Variants in ART3 observed in about 807,000 individuals in gnomAD.
ART3 encodes the protein ecto-ADP-ribosyltransferase 3.
ART3 carries 49 observed loss-of-function variants against 48.5 expected under a neutral mutation model. The observed-to-expected ratio is 1.01, with a 90% CI of 0.80 to 1.28. The LOEUF is 1.28. Ranked by LOEUF, ART3 falls within the 50% of genes most tolerant of loss-of-function variation. The pLI, the probability that ART3 is intolerant of heterozygous loss-of-function variation, is 0.00. For missense variants in ART3, 438 were observed against 454.3 expected (o/e 0.96, Z 0.33); for synonymous variants, 145 against 157.2 (o/e 0.92, Z 0.58).
chr4:76,089,518 A>AC (rs1724358567), intron 3 of ART3, among the ~76,000 whole-genome samples: 1 of 151,614 alleles, frequency 6.6e-6, no homozygotes. Flanking sequence ...CTTCCCCTTC[A>AC]CCTTATGCCA....
At chr4:76,097,320 T>G (rs1193030575) in intron 3 of ART3, among the ~76,000 whole-genome samples, 1 of 152,114 alleles carries the variant, frequency 6.6e-6, no homozygotes, top group Non-Finnish European at 1.5e-5. Context: ...TCCTCCCACC[T>G]GACCCTCCTG....
rs1723480809 is a variant in ART3, at chr4:76,086,060, C to G, written c.781+3525C>G. Reference sequence around the variant, plus strand: ...GCACTCCAGCCTGGTCAACAAGAGTCCCCCCCCCCGCTCCCTCCCCGCAGA... The same window carrying G: ...GCACTCCAGCCTGGTCAACAAGAGTGCCCCCCCCCGCTCCCTCCCCGCAGA... On this transcript the variant is annotated intron_variant, in intron 3 of 11. Transcript: ENST00000355810. Among the ~76,000 whole-genome samples, 3 of 112,704 alleles carry G rather than the reference C, an allele frequency of 2.7e-5. No individual in the cohort carries two copies. In the South Asian group the frequency reaches 9.5e-4, roughly 36 times the overall value. 73.9% of individuals were successfully genotyped at this position (112,704 alleles called of 152,430 possible). A position where few individuals can be genotyped will look rare whatever the true frequency, so the allele number is the denominator to read the frequency against.
At chr4:76,086,093 A>G (rs1472539770) in intron 3 of ART3, among the ~76,000 whole-genome samples, 3 of 144,844 alleles carry the variant, frequency 2.1e-5, no homozygotes, top group Non-Finnish European at 4.6e-5. Context: ...AGAAAAACAG[A>G]ACTACCATAT....
chr4:76,105,744 C>T (rs1282423176), intron 10 of ART3: 12 of 985,280 alleles, frequency 1.2e-5, no homozygotes, highest in African/African-American at 5.2e-5. Context: ...GCTGCTATTA[C>T]GGTTCTCTGG....
intron 4 of ART3, 137 bp downstream of exon 4, chr4:76,097,813 C>G (rs1726352311): frequency 1.4e-6 from 1 of 696,114 alleles, no homozygotes; most frequent in Non-Finnish European, 2.4e-6. Context: ...TGTGCTACTA[C>G]TGCTAGTACC....
intron 1 of ART3, 114 bp from the exon 2 acceptor site, chr4:76,075,767 C>T: frequency 2.7e-6 from 2 of 746,532 alleles, no homozygotes; most frequent in Non-Finnish European, 4.4e-6. Context: ...ACTTCCTGAC[C>T]ATCATGCTAT....
intron 1 of ART3, chr4:76,034,479 G>T: frequency 1.9e-6 from 1 of 516,298 alleles, no homozygotes; most frequent in Non-Finnish European, 3.3e-6. Context: ...AAGTAAGAAC[G>T]TGAAAGCACT....
chr4:76,093,572 C>A (rs1725386185), intron 3 of ART3, among the ~76,000 whole-genome samples: 1 of 152,186 alleles, frequency 6.6e-6, no homozygotes, highest in Non-Finnish European at 1.5e-5. Context: ...AAGATAATTG[C>A]CCCACCTGAA....
intron 1 of ART3, among the ~76,000 whole-genome samples, chr4:76,027,960 T>G (rs545964355): frequency 2.6e-5 from 4 of 152,344 alleles, no homozygotes; most frequent in Non-Finnish European, 4.4e-5. Flanking sequence ...AGTGTATCCA[T>G]TTACAATGAG....
chr4:76,028,231 AAAGCC>A (rs1733583772), intron 1 of ART3, among the ~76,000 whole-genome samples: 1 of 152,236 alleles, frequency 6.6e-6, no homozygotes, highest in Non-Finnish European at 1.5e-5. Context: ...TATTTCACCC[AAAGCC>A]AAGACTGCAT....
At chr4:76,022,681 T>G (rs1732972689) in intron 1 of ART3, 1 of 1,613,144 alleles carries the variant, frequency 6.2e-7, no homozygotes. Flanking sequence ...TCAGATGGGA[T>G]TTCACTCACA....
At chr4:76,011,765 G>A (rs1237240709) in intron 1 of ART3, among the ~76,000 whole-genome samples, 1 of 152,216 alleles carries the variant, frequency 6.6e-6, no homozygotes, top group African/African-American at 2.4e-5. Flanking sequence ...GAGCAGGCTG[G>A]GGCCGCTGCG....
intron 1 of ART3, among the ~76,000 whole-genome samples, chr4:76,054,425 G>A (rs557125596): frequency 7.2e-5 from 7 of 97,624 alleles, no homozygotes; most frequent in Admixed American, 1.3e-4. Context: ...TTGAGAGTGC[G>A]AATATAAAAA....
chr4:76,020,159 C>T (rs1030743969), intron 1 of ART3, among the ~76,000 whole-genome samples: 1 of 150,752 alleles, frequency 6.6e-6, no homozygotes, highest in Non-Finnish European at 1.5e-5. Context: ...TGAGGTCTCA[C>T]TCTGTTGCCC....
At chr4:76,026,154 TC>T (rs1355050212) in intron 1 of ART3, among the ~76,000 whole-genome samples, 2 of 151,886 alleles carry the variant, frequency 1.3e-5, no homozygotes, top group Non-Finnish European at 2.9e-5. Flanking sequence ...GGTATGCTTT[TC>T]CTCCTGTTCG....
intron 4 of ART3, 29 bp from the exon 5 acceptor site, chr4:76,098,926 C>T: frequency 6.3e-7 from 1 of 1,577,892 alleles, no homozygotes; most frequent in Non-Finnish European, 8.7e-7. Context: ...AGCATAGTAC[C>T]ATGTAATGAA....
chr4:76,048,676 A>G (rs1055180638), intron 1 of ART3, among the ~76,000 whole-genome samples: 1 of 151,938 alleles, frequency 6.6e-6, no homozygotes, highest in Admixed American at 6.6e-5. Flanking sequence ...CAGCAGCGGA[A>G]ACACTAGTTT....
chr4:76,021,628 A>G, intron 1 of ART3: 1 of 353,072 alleles, frequency 2.8e-6, no homozygotes, highest in Non-Finnish European at 5.1e-6. Flanking sequence ...GAAGATGGGA[A>G]AGGTGAGGGA....
At chr4:76,052,119 G>T (rs185129096) in intron 1 of ART3, among the ~76,000 whole-genome samples, 1 of 151,658 alleles carries the variant, frequency 6.6e-6, no homozygotes, top group African/African-American at 2.4e-5. Flanking sequence ...CCATGCTCAC[G>T]CCTGTAATCC....
Sources: allele counts gnomAD v4.1 joint callset (sites outside exome capture counted in the v4.1 genomes callset), GRCh38; gene constraint gnomAD v4.1.1; transcripts MANE v1.5; gene names NCBI Gene and HGNC (gene_info 2026-07-23, HGNC 2026-07-21).